TFB2M: variants seen among roughly 807,000 people sequenced by gnomAD.
TFB2M encodes the protein transcription factor B2, mitochondrial.
A neutral mutation model predicts 41.3 loss-of-function variants in TFB2M; 44 were observed. That is an observed-to-expected ratio of 1.07 (90% CI 0.84 to 1.37). TFB2M has a LOEUF of 1.37. Among genes scored for constraint, TFB2M ranks in the 40% most tolerant of loss-of-function variants. The probability of loss-of-function intolerance (pLI) is 0.00; values close to 1 mark genes in which losing one functional copy is unlikely to be tolerated. For synonymous variants in TFB2M, 188 were observed against 176.8 expected (o/e 1.06, Z -0.50); for missense variants, 496 against 490.2 (o/e 1.01, Z -0.11).
At chr1:246,564,654 A>T (rs964448976) in intron 1 of TFB2M, among the ~76,000 whole-genome samples, 11 of 151,000 alleles carry the variant, frequency 7.3e-5, no homozygotes, top group Non-Finnish European at 1.5e-4. Context: ...CTTTGAAATC[A>T]TTGTCAGCGA....
chr1:246,565,483 G>T (rs985828726), intron 1 of TFB2M, among the ~76,000 whole-genome samples: 7 of 152,216 alleles, frequency 4.6e-5, no homozygotes, highest in Middle Eastern at 3.2e-3. Flanking sequence ...GGAGACCTAG[G>T]GGGGAGGATC....
chr1:246,557,965 G>A (rs774045290), intron 2 of TFB2M, among the ~76,000 whole-genome samples: 30 of 151,930 alleles, frequency 2.0e-4, no homozygotes, highest in Non-Finnish European at 2.9e-4. Flanking sequence ...CACCACGCCC[G>A]GCTGAATTAC....
rs1001247185 is a variant in TFB2M, at chr1:246,557,537, A to G, written c.403-3T>C. On this transcript the variant is annotated splice_region_variant and splice_polypyrimidine_tract_variant and intron_variant, in intron 2 of 7. Coordinates refer to ENST00000366514, the MANE Select transcript of TFB2M (RefSeq NM_022366.3). ...CCATCCAGATTTTTTCCTAAGGACTAAAGAGAGACAAAGATAACACGTTAA... is the reference window on the plus strand; with the variant it reads ...CCATCCAGATTTTTTCCTAAGGACTGAAGAGAGACAAAGATAACACGTTAA... The G allele has an allele frequency of 3.8e-6, 6 of 1,583,572 alleles. No homozygotes were observed. In the Admixed American group the frequency reaches 5.6e-5, roughly 15 times the overall value.
chr1:246,554,466 T>C (rs981692584), intron 4 of TFB2M, among the ~76,000 whole-genome samples: 1 of 151,686 alleles, frequency 6.6e-6, no homozygotes, highest in African/African-American at 2.4e-5. Context: ...CCGCCTTAGA[T>C]TCTCATAGGA....
rs758678478 is a variant in TFB2M, at chr1:246,551,307, T to C, written c.706-5A>G. The C allele has an allele frequency of 5.0e-6, 8 of 1,601,720 alleles. No individual in the cohort carries two copies. The East Asian group carries it at 1.8e-4, about 36-fold the overall frequency. On this transcript the variant is annotated splice_polypyrimidine_tract_variant and splice_region_variant and intron_variant, in intron 4 of 7. Transcript: ENST00000366514. The stretch of plus-strand genomic sequence containing the variant: ...TCCGGGATCTGCCATTAGTTTCTAG[T>C]AAAAGGAAAATAAAAATTACATGTT...
chr1:246,560,773 C>T (rs1052104399), intron 2 of TFB2M, among the ~76,000 whole-genome samples: 5 of 152,238 alleles, frequency 3.3e-5, no homozygotes, highest in East Asian at 3.9e-4. Flanking sequence ...GCAAGTAACC[C>T]TTGAGTTTTT....
At position 246,566,044 on chromosome 1, in the gene TFB2M, G is replaced by C. The variant is rs777902650; in HGVS notation, c.95C>G (p.Thr32Arg). The C allele has an allele frequency of 6.2e-7, 1 of 1,614,158 alleles. No individual in the cohort carries two copies. The highest frequency in any genetic ancestry group is 8.5e-7 in the Non-Finnish European group (1 of 1,180,034). Residue 32 changes from threonine (T) to arginine (R), a missense_variant, in exon 1 of 8, where the codon ACG (threonine) becomes AGG (arginine). Transcript: ENST00000366514. ...GTTCCTCGCCGGCAAATGCTTTCGC[G>C]TCGCCGCTTCAGACCCTAAAATGCA... ...RFCILGSEAATRKHLPARNHC... is the reference protein window; with the variant it reads ...RFCILGSEAARRKHLPARNHC...
intron 2 of TFB2M, among the ~76,000 whole-genome samples, chr1:246,563,202 C>CT (rs34409344): frequency 1.4e-3 from 196 of 143,256 alleles, no homozygotes; most frequent in African/African-American, 3.2e-3. Flanking sequence ...TCTGAACACA[C>CT]TTTTTTTTTT....
intron 4 of TFB2M, among the ~76,000 whole-genome samples, chr1:246,554,065 C>T (rs566747494): frequency 1.3e-5 from 2 of 152,254 alleles, no homozygotes; most frequent in South Asian, 2.1e-4. Context: ...ATTTCTGACA[C>T]CAACGCCAAA....
At chr1:246,565,747 T>C in intron 1 of TFB2M, 79 bp downstream of exon 1, 2 of 1,472,414 alleles carry the variant, frequency 1.4e-6, no homozygotes, top group Non-Finnish European at 1.8e-6. Context: ...CCCCAGTATC[T>C]AAAATAGCAC....
At chr1:246,556,416 G>GA (rs1162337786) in intron 4 of TFB2M, among the ~76,000 whole-genome samples, 157 bp downstream of exon 4, 1 of 152,134 alleles carries the variant, frequency 6.6e-6, no homozygotes, top group Non-Finnish European at 1.5e-5. Context: ...ACTGTACACT[G>GA]AAAAAGCAAC....
intron 5 of TFB2M, among the ~76,000 whole-genome samples, chr1:246,549,847 T>C (rs924507857): frequency 6.6e-6 from 1 of 151,970 alleles, no homozygotes; most frequent in Non-Finnish European, 1.5e-5. Flanking sequence ...TCACTTTAAG[T>C]GGGGGAAGAA....
At chr1:246,561,626 C>T (rs1302149327) in intron 2 of TFB2M, among the ~76,000 whole-genome samples, 1 of 152,162 alleles carries the variant, frequency 6.6e-6, no homozygotes, top group Non-Finnish European at 1.5e-5. Flanking sequence ...AACCACCATG[C>T]CCAGCTAATT....
At chr1:246,544,832 G>A in intron 6 of TFB2M, 151 bp from the exon 7 acceptor site, 1 of 638,194 alleles carries the variant, frequency 1.6e-6, no homozygotes, top group South Asian at 2.2e-5. Flanking sequence ...TGGAGATAGA[G>A]TCTCACTCTG....
At chr1:246,559,601 G>C (rs1430348453) in intron 2 of TFB2M, among the ~76,000 whole-genome samples, 2 of 152,134 alleles carry the variant, frequency 1.3e-5, no homozygotes, top group Non-Finnish European at 2.9e-5. Context: ...CTTTCAAGGG[G>C]AAGTTTTAAA....
Position 246,544,523 on chromosome 1 carries a change from T to C in TFB2M, c.1017A>G (p.Leu339=). ...GRRSATVIDH[L]RSLTPLDARD... The stretch of plus-strand genomic sequence containing the variant: ...TTGCTTTTATTCTTTTTACTCACCG[T>C]AAGTGGTCTATTACAGTGGCGCTGC... The change falls in exon 7 of 8, where the codon TTA becomes TTG. Residue 339 remains leucine (L), a splice_region_variant and synonymous_variant. Transcript: ENST00000366514. The C allele has an allele frequency of 1.3e-6, 2 of 1,594,004 alleles. No individual in the cohort carries two copies. Among genetic ancestry groups the C allele is most frequent in the Non-Finnish European group, 1.7e-6 (2 of 1,174,996 alleles).
chr1:246,556,176 G>A (rs912423224), intron 4 of TFB2M, among the ~76,000 whole-genome samples: 2 of 152,300 alleles, frequency 1.3e-5, no homozygotes, highest in Admixed American at 1.3e-4. Flanking sequence ...ATTATGCTAA[G>A]TGAAATACGC....
At position 246,548,539 on chromosome 1, in the gene TFB2M, T is replaced by C; in HGVS notation, c.858+6A>G. The C allele has an allele frequency of 6.2e-7, 1 of 1,612,614 alleles. No individual in the cohort carries two copies. Among genetic ancestry groups the C allele is most frequent in the Non-Finnish European group, 8.5e-7 (1 of 1,179,190 alleles). On this transcript the variant is annotated splice_donor_region_variant and intron_variant, in intron 6 of 7. Transcript: ENST00000366514. ...GAAAAAGGAAAAGGTATTATTTTATTCTTACCCTACGCTTTGGGTTTTCCA... is the reference window on the plus strand; with the variant it reads ...GAAAAAGGAAAAGGTATTATTTTATCCTTACCCTACGCTTTGGGTTTTCCA...
intron 2 of TFB2M, among the ~76,000 whole-genome samples, chr1:246,561,040 T>A (rs1001211608): frequency 1.5e-4 from 23 of 152,194 alleles, no homozygotes; most frequent in South Asian, 8.3e-4. Flanking sequence ...AGGAACAAAC[T>A]TTAGGTGGCC....
Sources: allele counts gnomAD v4.1 joint callset (sites outside exome capture counted in the v4.1 genomes callset), GRCh38; gene constraint gnomAD v4.1.1; transcripts MANE v1.5; gene names NCBI Gene and HGNC (gene_info 2026-07-23, HGNC 2026-07-21).